The following MEIS2 variants were observed in gnomAD, a reference collection of about 807,000 sequenced individuals.
MEIS2 encodes the protein homeobox protein Meis2.
MEIS2 carries 9 observed loss-of-function variants against 58.6 expected under a neutral mutation model. That is an observed-to-expected ratio of 0.15 (90% confidence interval 0.09 to 0.27). The LOEUF (loss-of-function observed/expected upper bound fraction) is 0.27. Among genes scored for constraint, MEIS2 ranks in the 10% least tolerant of loss-of-function variants. The pLI is 1.00. For synonymous variants in MEIS2, 221 were observed against 228.4 expected, an observed-to-expected ratio of 0.97 and a Z score of 0.29; for missense variants, 427 against 635.0, an observed-to-expected ratio of 0.67 and a Z score of 3.52.
intron 8 of MEIS2, among the ~76,000 whole-genome samples, chr15:37,003,388 T>G (rs36117261): frequency 6.6e-6 from 1 of 152,118 alleles, no homozygotes; most frequent in Non-Finnish European, 1.5e-5. Flanking sequence ...AAATTTTCTG[T>G]TTTAAAATTG....
At chr15:36,976,053 T>C (rs2059738307) in intron 8 of MEIS2, among the ~76,000 whole-genome samples, 1 of 152,154 alleles carries the variant, frequency 6.6e-6, no homozygotes, top group Non-Finnish European at 1.5e-5. Context: ...GTAAGGGAAA[T>C]TAAAAGGAAA....
At chr15:37,078,605 C>CAAAAAAAAAAAAAAAA (rs540405090) in intron 7 of MEIS2, among the ~76,000 whole-genome samples, 11 of 69,410 alleles carry the variant, frequency 1.6e-4, no homozygotes, top group African/African-American at 4.1e-4. Context: ...AAAAAACAAC[C>CAAAAAAAAAAAAAAAA]AAAAAAAAAA....
chr15:37,000,950 C>A (rs542350005), intron 8 of MEIS2, among the ~76,000 whole-genome samples: 23 of 152,264 alleles, frequency 1.5e-4, no homozygotes, highest in Middle Eastern at 3.4e-3. Context: ...GGCTTCTGCC[C>A]TTGTCACTCC....
intron 8 of MEIS2, among the ~76,000 whole-genome samples, chr15:36,968,651 G>A (rs1431303885): frequency 6.6e-6 from 1 of 152,206 alleles, no homozygotes; most frequent in Non-Finnish European, 1.5e-5. Context: ...ATTTCTTAAG[G>A]AAGCTGATGA....
chr15:36,923,908 A>G (rs1479366225), intron 9 of MEIS2, among the ~76,000 whole-genome samples: 1 of 152,248 alleles, frequency 6.6e-6, no homozygotes, highest in Non-Finnish European at 1.5e-5. Flanking sequence ...GGGGCTGCAG[A>G]GAATTCAGTG....
At chr15:37,062,941 G>A (rs1889416691) in intron 7 of MEIS2, among the ~76,000 whole-genome samples, 1 of 152,162 alleles carries the variant, frequency 6.6e-6, no homozygotes, top group South Asian at 2.1e-4. Flanking sequence ...CGTCTCTTCA[G>A]TATGGCAATT....
intron 8 of MEIS2, among the ~76,000 whole-genome samples, chr15:37,030,361 AT>A (rs956838508): frequency 4.7e-5 from 7 of 149,834 alleles, no homozygotes; most frequent in East Asian, 3.9e-4. Context: ...GGGTATTTCC[AT>A]TTTTTTTTCT....
At chr15:36,967,328 G>GATATAATTGAA (rs1197994812) in intron 8 of MEIS2, among the ~76,000 whole-genome samples, 1 of 152,194 alleles carries the variant, frequency 6.6e-6, no homozygotes, top group Non-Finnish European at 1.5e-5. Flanking sequence ...ATTGAATGAG[G>GATATAATTGAA]TGAGATAGGA....
At chr15:37,033,326 A>G (rs2062006655) in intron 8 of MEIS2, among the ~76,000 whole-genome samples, 1 of 152,184 alleles carries the variant, frequency 6.6e-6, no homozygotes, top group Admixed American at 6.5e-5. Context: ...TGAATGTCAA[A>G]ATGGGCCAAT....
At position 36,906,651 on chromosome 15, in the gene MEIS2, G is replaced by GAC. The variant is rs1414830117; in HGVS notation, c.978-9966_978-9965insGT. 3.8e-3 allele frequency among the ~76,000 whole-genome samples: 366 copies of GAC among 96,522 alleles called. 1 individual carries two copies. Among genetic ancestry groups the GAC allele is most frequent in the African/African-American group, 0.014 (355 of 24,836 alleles). The allele number at this position is 96,522 out of a possible 152,430, so 63.3% of individuals were successfully genotyped here. ...CTGACAAAGTATGTCAGCCACTCAAGAAAAAAAAAAAAAAAAAAAACAAGG... is the reference window on the plus strand; with the variant it reads ...CTGACAAAGTATGTCAGCCACTCAAGACAAAAAAAAAAAAAAAAAAAACAAGG... On this transcript the variant is annotated intron_variant, in intron 9 of 11. Coordinates refer to ENST00000561208, the MANE Select transcript of MEIS2 (RefSeq NM_170675.5).
intron 11 of MEIS2, chr15:36,894,888 AG>A: frequency 8.0e-7 from 1 of 1,252,598 alleles, no homozygotes; most frequent in Non-Finnish European, 1.2e-6. Flanking sequence ...AAGGAAACTC[AG>A]ATTCCTTTTC....
intron 8 of MEIS2, among the ~76,000 whole-genome samples, chr15:37,019,980 G>C (rs769942124): frequency 6.6e-6 from 1 of 152,058 alleles, no homozygotes; most frequent in African/African-American, 2.4e-5. Flanking sequence ...CCCCAGATCC[G>C]GGGAGCTCGA....
At position 36,978,998 on chromosome 15, in the gene MEIS2, A is replaced by G. The variant is rs375443100; in HGVS notation, c.901-28598T>C. 3.8e-4 allele frequency among the ~76,000 whole-genome samples: 58 copies of G among 152,244 alleles called. No homozygotes were observed. In the South Asian group the frequency reaches 0.011, roughly 29 times the overall value. On this transcript the variant is annotated intron_variant, in intron 8 of 11. Transcript: ENST00000561208. ...TAAAAATAAAGGGCCAAAAGTATGCATTTTTTTAAAGATGTTTAATTCTTT... is the reference window on the plus strand; with the variant it reads ...TAAAAATAAAGGGCCAAAAGTATGCGTTTTTTTAAAGATGTTTAATTCTTT...
intron 7 of MEIS2, among the ~76,000 whole-genome samples, chr15:37,074,147 G>A (rs1026242359): frequency 1.3e-5 from 2 of 151,948 alleles, no homozygotes; most frequent in African/African-American, 2.4e-5. Flanking sequence ...ATTAGATAAT[G>A]GAGGATGGAG....
At chr15:37,034,272 CAG>C (rs1042761448) in intron 8 of MEIS2, among the ~76,000 whole-genome samples, 5 of 152,096 alleles carry the variant, frequency 3.3e-5, no homozygotes, top group African/African-American at 7.2e-5. Context: ...AATGGGGAAA[CAG>C]AAAGTCCAGG....
chr15:36,950,182 C>T (rs1402181731), intron 9 of MEIS2, 142 bp downstream of exon 9: 2 of 676,386 alleles, frequency 3.0e-6, no homozygotes, highest in Non-Finnish European at 4.9e-6. Context: ...CTAATCACCC[C>T]TTTCACACCT....
chr15:36,894,884 ACT>A, intron 11 of MEIS2: 1 of 1,262,994 alleles, frequency 7.9e-7, no homozygotes, highest in Non-Finnish European at 1.2e-6. Context: ...ATAGAAGGAA[ACT>A]CAGATTCCTT....
intron 7 of MEIS2, among the ~76,000 whole-genome samples, chr15:37,051,904 G>A (rs1025089034): frequency 6.6e-6 from 1 of 151,676 alleles, no homozygotes; most frequent in Non-Finnish European, 1.5e-5. Context: ...GCACTTGGCA[G>A]ATTTTACAAA....
chr15:37,090,892 A>C (rs1258367452), intron 6 of MEIS2, among the ~76,000 whole-genome samples: 1 of 152,178 alleles, frequency 6.6e-6, no homozygotes, highest in Non-Finnish European at 1.5e-5. Context: ...ACCAAGAGGA[A>C]GCTCAGATCA....
Sources: gnomAD v4.1 joint callset for allele counts (sites outside exome capture counted in the v4.1 genomes callset) on GRCh38, gnomAD v4.1.1 for gene constraint, MANE v1.5 for transcripts, NCBI Gene and HGNC (gene_info 2026-07-23, HGNC 2026-07-21) for gene names.